Variants in EPHA7 observed in about 807,000 individuals in gnomAD.
EPHA7 encodes the protein EPH receptor A7.
A neutral mutation model predicts 112.6 loss-of-function variants in EPHA7; 25 were observed. That is an observed-to-expected ratio of 0.22 (90% CI 0.16 to 0.31). EPHA7 has a LOEUF of 0.31. Among genes scored for constraint, EPHA7 ranks in the 10% least tolerant of loss-of-function variants. The probability of loss-of-function intolerance (pLI) is 1.00; values close to 1 mark genes in which losing one functional copy is unlikely to be tolerated. For synonymous variants in EPHA7, 437 were observed against 406.5 expected (o/e 1.07, Z -0.90); for missense variants, 962 against 1,212.6 (o/e 0.79, Z 3.07).
chr6:93,351,270 T>G (rs952278863), intron 5 of EPHA7, among the ~76,000 whole-genome samples: 2 of 152,060 alleles, frequency 1.3e-5, no homozygotes, highest in South Asian at 2.1e-4. Flanking sequence ...CCCATGGAGT[T>G]GGCTGATGAT....
intron 5 of EPHA7, among the ~76,000 whole-genome samples, chr6:93,276,497 C>T (rs1202263101): frequency 6.6e-6 from 1 of 152,098 alleles, no homozygotes; most frequent in Non-Finnish European, 1.5e-5. Flanking sequence ...AACTTGATTT[C>T]AGCCTGTGAG....
In EPHA7 at chr6:93,385,914, G is replaced by C. The variant is rs995000035; in HGVS notation, c.832+24587C>G. ...CACGTCCTTCTTCACATGGCAGCAGGAGAGAGAAGTGCAGAGTGGAGTCAA... is the reference window on the plus strand; with the variant it reads ...CACGTCCTTCTTCACATGGCAGCAGCAGAGAGAAGTGCAGAGTGGAGTCAA... On this transcript the variant is annotated intron_variant, in intron 3 of 16. Coordinates refer to ENST00000369303, the MANE Select transcript of EPHA7 (RefSeq NM_004440.4). Among the ~76,000 whole-genome samples, 13 of 152,286 alleles carry C rather than the reference G, an allele frequency of 8.5e-5. No homozygotes were observed. In the East Asian group the frequency reaches 2.1e-3, roughly 25 times the overall value.
chr6:93,304,879 A>G (rs534326074), intron 5 of EPHA7, among the ~76,000 whole-genome samples: 76 of 152,144 alleles, frequency 5.0e-4, no homozygotes, highest in Middle Eastern at 3.4e-3. Flanking sequence ...CTTTCCTTAG[A>G]TATGTACATG....
chr6:93,242,479 G>A lies in EPHA7; in HGVS notation c.*947C>T, dbSNP rs1444311885. ...GTCACGAGAATGAAAAAATCTTGAT[G>A]TGCTCAGATTAATTTTTAGATAACA... On this transcript the variant is annotated 3_prime_UTR_variant, in exon 17 of 17. Coordinates refer to ENST00000369303, the MANE Select transcript of EPHA7 (RefSeq NM_004440.4). 1.0e-5 allele frequency: 2 copies of A among 197,590 alleles called. No individual in the cohort carries two copies. The highest frequency in any genetic ancestry group is 1.9e-4 in the South Asian group (1 of 5,192). The allele number at this position is 197,590 out of a possible 1,614,324, so 12.2% of individuals were successfully genotyped here.
intron 12 of EPHA7, 123 bp from the exon 13 acceptor site, chr6:93,256,160 T>A: frequency 1.3e-6 from 1 of 767,930 alleles, no homozygotes; most frequent in Non-Finnish European, 2.1e-6. Flanking sequence ...TAATTTTTTA[T>A]ATAATATGGA....
At chr6:93,355,698 GAA>G (rs1454949022) in intron 5 of EPHA7, among the ~76,000 whole-genome samples, 3 of 152,148 alleles carry the variant, frequency 2.0e-5, no homozygotes, top group Non-Finnish European at 4.4e-5. Flanking sequence ...TGAAGGTTTA[GAA>G]AGTCTCCAAT....
chr6:93,329,734 A>G (rs1416519241), intron 5 of EPHA7, among the ~76,000 whole-genome samples: 1 of 151,350 alleles, frequency 6.6e-6, no homozygotes, highest in Non-Finnish European at 1.5e-5. Context: ...TTGTATAAAT[A>G]CTTTTGTTAT....
intron 4 of EPHA7, among the ~76,000 whole-genome samples, 167 bp from the exon 5 acceptor site, chr6:93,357,219 A>G (rs1378778634): frequency 6.6e-6 from 1 of 152,226 alleles, no homozygotes; most frequent in Non-Finnish European, 1.5e-5. Context: ...TACCTTTACT[A>G]GAGAAGCTGT....
chr6:93,411,763 A>G (rs1021967702), intron 2 of EPHA7, among the ~76,000 whole-genome samples: 3 of 152,166 alleles, frequency 2.0e-5, no homozygotes, highest in African/African-American at 7.2e-5. Flanking sequence ...TGTTATATAT[A>G]ATATCACATA....
chr6:93,373,824 T>C (rs1776919839), intron 3 of EPHA7, among the ~76,000 whole-genome samples: 1 of 151,958 alleles, frequency 6.6e-6, no homozygotes, highest in African/African-American at 2.4e-5. Flanking sequence ...AATGGATTAG[T>C]ATATTGTTAC....
chr6:93,388,952 A>G (rs1777767960), intron 3 of EPHA7, among the ~76,000 whole-genome samples: 1 of 152,076 alleles, frequency 6.6e-6, no homozygotes, highest in Non-Finnish European at 1.5e-5. Context: ...AGAAAAAATA[A>G]TGAAGGGGAG....
At chr6:93,340,841 A>AG (rs904963980) in intron 5 of EPHA7, among the ~76,000 whole-genome samples, 2 of 151,874 alleles carry the variant, frequency 1.3e-5, no homozygotes, top group African/African-American at 2.4e-5. Flanking sequence ...ATACATTGAG[A>AG]GAAAAAAAAA....
chr6:93,387,147 T>G (rs1008977856), intron 3 of EPHA7, among the ~76,000 whole-genome samples: 1 of 152,122 alleles, frequency 6.6e-6, no homozygotes, highest in Non-Finnish European at 1.5e-5. Flanking sequence ...TTTTCCAAAC[T>G]TGTATGCTCT....
rs1489463149 is a variant in EPHA7, at chr6:93,419,190, A to T, written c.97+55T>A. On this transcript the variant is annotated intron_variant, in intron 1 of 16. Coordinates refer to ENST00000369303, the MANE Select transcript of EPHA7 (RefSeq NM_004440.4). ...GCGCCGCGGACGAGCTGGCTTGTGC[A>T]GGTAGACATCTAAATAAATAAGTCA... 3.4e-6 allele frequency: 5 copies of T among 1,460,998 alleles called. No individual in the cohort carries two copies. In the African/African-American group the frequency reaches 4.3e-5, roughly 12 times the overall value. The allele number at this position is 1,460,998 out of a possible 1,614,324, so 90.5% of individuals were successfully genotyped here.
chr6:93,287,534 T>C (rs1390538650), intron 5 of EPHA7, among the ~76,000 whole-genome samples: 1 of 151,964 alleles, frequency 6.6e-6, no homozygotes, highest in Non-Finnish European at 1.5e-5. Flanking sequence ...TCTTTTTTTT[T>C]TTTTAACTTT....
chr6:93,388,825 G>C (rs1413396087), intron 3 of EPHA7, among the ~76,000 whole-genome samples: 1 of 151,976 alleles, frequency 6.6e-6, no homozygotes, highest in Non-Finnish European at 1.5e-5. Context: ...AGTAAAAAAA[G>C]GATTTTGATT....
At chr6:93,397,595 C>G (rs144924455) in intron 3 of EPHA7, among the ~76,000 whole-genome samples, 248 of 152,052 alleles carry the variant, frequency 1.6e-3, no homozygotes, top group African/African-American at 5.8e-3. Context: ...CCTAAGCAGT[C>G]TACCTACGAA....
chr6:93,394,503 A>T (rs1443925610), intron 3 of EPHA7, among the ~76,000 whole-genome samples: 1 of 151,716 alleles, frequency 6.6e-6, no homozygotes, highest in East Asian at 1.9e-4. Context: ...TGTCTGTATG[A>T]TTAGGTTCAG....
chr6:93,384,848 C>T (rs142499453), intron 3 of EPHA7, among the ~76,000 whole-genome samples: 231 of 152,130 alleles, frequency 1.5e-3, no homozygotes, highest in African/African-American at 5.3e-3. Context: ...TTAAAACAAA[C>T]CTACTGAATG....
Sources: gnomAD v4.1 joint callset for allele counts (sites outside exome capture counted in the v4.1 genomes callset) on GRCh38, gnomAD v4.1.1 for gene constraint, MANE v1.5 for transcripts, NCBI Gene and HGNC (gene_info 2026-07-23, HGNC 2026-07-21) for gene names.